TTC7B: variants seen among roughly 807,000 people sequenced by gnomAD.
TTC7B encodes the protein tetratricopeptide repeat protein 7B.
A neutral mutation model predicts 106.8 loss-of-function variants in TTC7B; 28 were observed. The ratio of observed to expected loss-of-function variants is 0.26; its 90% CI spans 0.19 to 0.36. The LOEUF is 0.36. TTC7B is among the 10% of genes least tolerant of loss of function. TTC7B has a pLI of 1.00. For missense variants in TTC7B, 862 were observed against 1,076.4 expected (o/e 0.80, Z 2.79); for synonymous variants, 405 against 430.6 (o/e 0.94, Z 0.74).
At position 90,810,223 on chromosome 14, in the gene TTC7B, G is replaced by A. The variant is rs74085574; in HGVS notation, c.121+5952C>T. Among the ~76,000 whole-genome samples, 1,039 of 152,220 alleles carry A rather than the reference G, an allele frequency of 6.8e-3. 14 individuals carry two copies. The highest frequency in any genetic ancestry group is 0.024 in the African/African-American group (1,002 of 41,516). On this transcript the variant is annotated intron_variant, in intron 1 of 19. Coordinates refer to ENST00000328459, the MANE Select transcript of TTC7B (RefSeq NM_001010854.2). ...CTGACCCATTTTATTACAAAATGCC[G>A]CCCCAGACCCCATTGGGAATGTCAC...
At chr14:90,779,315 T>C (rs1247207952) in intron 3 of TTC7B, among the ~76,000 whole-genome samples, 4 of 152,214 alleles carry the variant, frequency 2.6e-5, no homozygotes, top group Non-Finnish European at 5.9e-5. Context: ...TTTTTTTAAT[T>C]TTTTTGAGAT....
At chr14:90,658,272 A>G in intron 10 of TTC7B, 32 bp downstream of exon 10, 1 of 1,593,250 alleles carries the variant, frequency 6.3e-7, no homozygotes, top group South Asian at 1.1e-5. Context: ...TAGGAAAGGC[A>G]TAAAAAACTG....
At chr14:90,676,947 T>C (rs968180911) in intron 8 of TTC7B, among the ~76,000 whole-genome samples, 1 of 152,174 alleles carries the variant, frequency 6.6e-6, no homozygotes, top group Non-Finnish European at 1.5e-5. Context: ...GATACAAAGT[T>C]TTCCCTGGCC....
In TTC7B at chr14:90,629,338, T is replaced by C. The variant is rs114283242; in HGVS notation, c.1752-11293A>G. On this transcript the variant is annotated intron_variant, in intron 15 of 19. Transcript: ENST00000328459. ...ATTCAATTGTGTTTGGAATATCTGA[T>C]TTTTTTTCACAGCTGGCTGGGTAAC... Among the ~76,000 whole-genome samples, 330 of 152,230 alleles carry C rather than the reference T, an allele frequency of 2.2e-3. 1 individual carries two copies. The highest frequency in any genetic ancestry group is 7.7e-3 in the African/African-American group (320 of 41,532).
rs971266008 is a variant in TTC7B, at chr14:90,539,262, C to A, written c.*2106G>T. On this transcript the variant is annotated 3_prime_UTR_variant, in exon 20 of 20. Coordinates refer to ENST00000328459, the MANE Select transcript of TTC7B (RefSeq NM_001010854.2). The stretch of plus-strand genomic sequence containing the variant: ...GCCCCCGCGCCCTGCAGGGCTGATA[C>A]GCACAGGAGTCTCTGAGGTGAGGGC... The A allele has an allele frequency of 6.6e-6, 1 of 152,372 alleles. No individual in the cohort carries two copies. Among genetic ancestry groups the A allele is most frequent in the Non-Finnish European group, 1.5e-5 (1 of 68,168 alleles). The allele number at this position is 152,372 out of a possible 1,614,324, so 9.4% of individuals were successfully genotyped here.
intron 13 of TTC7B, among the ~76,000 whole-genome samples, chr14:90,650,341 T>G (rs1410631633): frequency 1.3e-5 from 2 of 152,196 alleles, no homozygotes; most frequent in Non-Finnish European, 2.9e-5. Flanking sequence ...TTTTAAAAAG[T>G]GCAAACCCTG....
chr14:90,581,743 T>C (rs1891500996), intron 18 of TTC7B, among the ~76,000 whole-genome samples: 1 of 152,168 alleles, frequency 6.6e-6, no homozygotes, highest in Non-Finnish European at 1.5e-5. Flanking sequence ...AAGCCATAAA[T>C]GCCAATAAGA....
intron 1 of TTC7B, among the ~76,000 whole-genome samples, chr14:90,799,986 C>T (rs112316295): frequency 0.016 from 2,510 of 152,184 alleles, 78 homozygotes; most frequent in African/African-American, 0.057. Context: ...GCGCCCGCCA[C>T]CACGCCCAGC....
At chr14:90,580,863 A>T (rs569715917) in intron 18 of TTC7B, among the ~76,000 whole-genome samples, 1 of 152,342 alleles carries the variant, frequency 6.6e-6, no homozygotes, top group South Asian at 2.1e-4. Flanking sequence ...GCTGGGGCAG[A>T]TCCATCTTTC....
chr14:90,768,421 T>C (rs1030756617), intron 3 of TTC7B, among the ~76,000 whole-genome samples: 1 of 152,042 alleles, frequency 6.6e-6, no homozygotes, highest in Non-Finnish European at 1.5e-5. Context: ...GATCACATGA[T>C]AACTCACTCA....
chr14:90,549,335 G>A (rs1358136310), intron 19 of TTC7B, among the ~76,000 whole-genome samples: 3 of 152,180 alleles, frequency 2.0e-5, no homozygotes, highest in African/African-American at 4.8e-5. Context: ...GGCCACCTGA[G>A]TCAAACGGGC....
chr14:90,565,334 A>G (rs1230261235), intron 19 of TTC7B, among the ~76,000 whole-genome samples: 1 of 150,636 alleles, frequency 6.6e-6, no homozygotes, highest in African/African-American at 2.4e-5. Flanking sequence ...CTGGTGCAAG[A>G]GGCCTCACTT....
At chr14:90,642,167 A>T in intron 15 of TTC7B, among the ~76,000 whole-genome samples, 1 of 152,222 alleles carries the variant, frequency 6.6e-6, no homozygotes, top group East Asian at 1.9e-4. Flanking sequence ...GAGATCTGCA[A>T]GAAGTAAAAC....
intron 15 of TTC7B, among the ~76,000 whole-genome samples, chr14:90,619,431 C>T (rs376316512): frequency 6.6e-6 from 1 of 152,316 alleles, no homozygotes; most frequent in East Asian, 1.9e-4. Context: ...TCAACTTCTA[C>T]TCATGCACAT....
chr14:90,812,840 A>G (rs1380762749), intron 1 of TTC7B, among the ~76,000 whole-genome samples: 1 of 152,076 alleles, frequency 6.6e-6, no homozygotes, highest in Non-Finnish European at 1.5e-5. Flanking sequence ...AAACATCTAA[A>G]CCAATTCATC....
At chr14:90,544,491 G>C (rs775480498) in intron 19 of TTC7B, among the ~76,000 whole-genome samples, 3 of 152,134 alleles carry the variant, frequency 2.0e-5, no homozygotes, top group Non-Finnish European at 4.4e-5. Context: ...CATCTCCCAG[G>C]ATGGTGCTCT....
Position 90,745,298 on chromosome 14 carries a change from A to C in TTC7B, c.446-376T>G, listed in dbSNP as rs1216658463. On this transcript the variant is annotated intron_variant, in intron 3 of 19. Coordinates refer to ENST00000328459, the MANE Select transcript of TTC7B (RefSeq NM_001010854.2). ...GCAATAGATGGAGACCCTGTCTCCC[A>C]AAAAAAAAAAAAAAAAAGAAGAAGA... Among the ~76,000 whole-genome samples the C allele has an allele frequency of 1.0e-3, 31 of 30,598 alleles. 1 individual carries two copies. The highest frequency in any genetic ancestry group is 2.5e-3 in the Non-Finnish European group (27 of 10,866). The allele number at this position is 30,598 out of a possible 152,430, so 20.1% of individuals were successfully genotyped here.
chr14:90,587,933 C>A (rs117351436), intron 18 of TTC7B, among the ~76,000 whole-genome samples: 1 of 152,124 alleles, frequency 6.6e-6, no homozygotes, highest in Admixed American at 6.5e-5. Flanking sequence ...GGGGTGAATA[C>A]GGGTATTTAT....
intron 1 of TTC7B, among the ~76,000 whole-genome samples, chr14:90,796,917 A>T (rs1198694257): frequency 1.3e-5 from 2 of 150,452 alleles, no homozygotes; most frequent in African/African-American, 2.4e-5. Context: ...GCACAATCTC[A>T]GCCCGTTGCA....
Sources: allele counts gnomAD v4.1 joint callset (sites outside exome capture counted in the v4.1 genomes callset), GRCh38; gene constraint gnomAD v4.1.1; transcripts MANE v1.5; gene names NCBI Gene and HGNC (gene_info 2026-07-23, HGNC 2026-07-21).